The following GPR107 variants were observed in gnomAD, a reference collection of about 807,000 sequenced individuals.
GPR107 encodes G protein-coupled receptor 107.
A neutral mutation model predicts 75.5 loss-of-function variants in GPR107; 31 were observed. The ratio of observed to expected loss-of-function variants is 0.41; its 90% CI spans 0.31 to 0.55. The LOEUF (loss-of-function observed/expected upper bound fraction) is 0.55. Ranked by LOEUF, GPR107 falls within the 20% of genes least tolerant of loss-of-function variation. GPR107 has a pLI of 0.26. For synonymous variants in GPR107, 267 were observed against 251.3 expected (o/e 1.06, Z -0.59); for missense variants, 572 against 665.7 (o/e 0.86, Z 1.55).
At chr9:130,080,734 G>A (rs1450798825) in intron 5 of GPR107, among the ~76,000 whole-genome samples, 4 of 150,966 alleles carry the variant, frequency 2.6e-5, no homozygotes, top group Non-Finnish European at 4.4e-5. Context: ...CTCGTGATCC[G>A]CCCGCCTCGG....
intron 10 of GPR107, 83 bp downstream of exon 10, chr9:130,099,615 GA>G: frequency 1.3e-6 from 1 of 783,608 alleles, no homozygotes; most frequent in East Asian, 2.5e-5. Flanking sequence ...GAAGAAAGGG[GA>G]TAGATTGGTG....
intron 3 of GPR107, among the ~76,000 whole-genome samples, chr9:130,076,782 G>A (rs148958632): frequency 6.6e-6 from 1 of 152,154 alleles, no homozygotes; most frequent in Non-Finnish European, 1.5e-5. Flanking sequence ...CAGAGTGCTA[G>A]GACTGCAGGC....
chr9:130,055,542 AAAG>A, intron 1 of GPR107, among the ~76,000 whole-genome samples: 1 of 151,790 alleles, frequency 6.6e-6, no homozygotes, highest in East Asian at 1.9e-4. Context: ...AAAAAAAAAA[AAAG>A]AAGTGGAACT....
rs139983647 is a variant in GPR107, at chr9:130,089,204, T to C, written c.622-1672T>C. Reference sequence around the variant, plus strand: ...AAAGTTTTTCAAATGCTTCCCTCTTTTTTAATCACAAAGGAAAGTGTTACA... The same window carrying C: ...AAAGTTTTTCAAATGCTTCCCTCTTCTTTAATCACAAAGGAAAGTGTTACA... On this transcript the variant is annotated intron_variant, in intron 7 of 17. Transcript: ENST00000347136. Among the ~76,000 whole-genome samples, 1,427 of 152,266 alleles carry C rather than the reference T, an allele frequency of 9.4e-3. 15 individuals are homozygous for C. The highest frequency in any genetic ancestry group is 0.015 in the Non-Finnish European group (994 of 68,012).
intron 13 of GPR107, among the ~76,000 whole-genome samples, chr9:130,106,273 T>C (rs1190009015): frequency 6.6e-6 from 1 of 152,040 alleles, no homozygotes; most frequent in African/African-American, 2.4e-5. Context: ...ATGAAAAAAG[T>C]CAGTAAGTAC....
intron 1 of GPR107, among the ~76,000 whole-genome samples, chr9:130,073,704 C>T (rs554769877): frequency 1.3e-4 from 20 of 152,276 alleles, no homozygotes; most frequent in African/African-American, 3.4e-4. Context: ...TTCCCTGTGA[C>T]GTTGCAGAAA....
chr9:130,088,465 T>A (rs1312044486), intron 7 of GPR107, among the ~76,000 whole-genome samples: 1 of 152,242 alleles, frequency 6.6e-6, no homozygotes, highest in Non-Finnish European at 1.5e-5. Flanking sequence ...TTAGTTATGT[T>A]TATTGCCTGT....
intron 1 of GPR107, among the ~76,000 whole-genome samples, chr9:130,074,103 C>T (rs1188241062): frequency 6.6e-6 from 1 of 152,142 alleles, no homozygotes; most frequent in Non-Finnish European, 1.5e-5. Flanking sequence ...GGGACCATAG[C>T]CTTAGGCCTG....
At chr9:130,134,697 G>T (rs375971103) in intron 17 of GPR107, among the ~76,000 whole-genome samples, 2 of 152,372 alleles carry the variant, frequency 1.3e-5, no homozygotes, top group South Asian at 2.1e-4. Flanking sequence ...TCACATATCT[G>T]TGCGCCACAA....
chr9:130,125,074 T>G, intron 15 of GPR107, 110 bp downstream of exon 15: 1 of 408,756 alleles, frequency 2.4e-6, no homozygotes, highest in Non-Finnish European at 4.3e-6. Context: ...CACCTGGAGC[T>G]GAGCAGTGTG....
rs1554900632 is a variant in GPR107 at position 130,139,803 on chromosome 9, G to T, written c.*4682G>T. On this transcript the variant is annotated 3_prime_UTR_variant, in exon 18 of 18. Transcript: ENST00000347136. ...GAAGGTCAGCCTTTGGAGCACGTAA[G>T]ATACTGTTACAGGGTCCAGAAATCG... The T allele has an allele frequency of 6.6e-6, 1 of 152,264 alleles. No individual in the cohort carries two copies. The highest frequency in any genetic ancestry group is 1.9e-4 in the East Asian group (1 of 5,196). 9.4% of individuals were successfully genotyped at this position (152,264 alleles called of 1,614,324 possible).
At chr9:130,124,988 T>A in intron 15 of GPR107, 24 bp downstream of exon 15, 1 of 1,093,264 alleles carries the variant, frequency 9.1e-7, no homozygotes, top group Admixed American at 2.4e-5. Context: ...AAAAAAATCC[T>A]CAATCTATAA....
intron 14 of GPR107, among the ~76,000 whole-genome samples, chr9:130,111,971 G>A (rs541153117): frequency 4.6e-5 from 7 of 152,126 alleles, no homozygotes; most frequent in East Asian, 3.9e-4. Context: ...CACACCTAGC[G>A]CTGGCTCCAC....
At chr9:130,075,130 G>C (rs1241498072) in intron 1 of GPR107, among the ~76,000 whole-genome samples, 1 of 151,974 alleles carries the variant, frequency 6.6e-6, no homozygotes, top group Non-Finnish European at 1.5e-5. Context: ...GTTGTCTTCA[G>C]CTTTTGGAGA....
In GPR107 at chr9:130,053,990, G is replaced by T; in HGVS notation, c.58G>T (p.Gly20Cys). ...PASRGPRLAA[G>C]LRLLPMLGLL... The stretch of plus-strand genomic sequence containing the variant: ...CTCCCGCGGTCCTAGGCTGGCCGCG[G>T]GCCTCCGGCTGCTCCCAATGCTGGG... Residue 20 changes from glycine to cysteine, a missense_variant, in exon 1 of 18, where the codon GGC (glycine) becomes TGC (cysteine). By Grantham distance (159) the Gly-to-Cys change is radical. Transcript: ENST00000347136. 2 of 1,553,192 alleles carry T rather than the reference G, an allele frequency of 1.3e-6. No homozygotes were observed. The highest frequency in any genetic ancestry group is 1.4e-5 in the African/African-American group (1 of 73,364).
intron 9 of GPR107, among the ~76,000 whole-genome samples, chr9:130,095,637 C>T (rs564616571): frequency 1.2e-4 from 18 of 152,312 alleles, no homozygotes; most frequent in African/African-American, 4.3e-4. Flanking sequence ...TCGTGATCCA[C>T]CTGCCTTGGC....
At chr9:130,087,965 ACT>A (rs1303908419) in intron 7 of GPR107, among the ~76,000 whole-genome samples, 2 of 152,058 alleles carry the variant, frequency 1.3e-5, no homozygotes, top group Non-Finnish European at 2.9e-5. Context: ...CCCCATAAGC[ACT>A]GTTCTGATTT....
chr9:130,128,601 G>A (rs1373587735), intron 16 of GPR107, 39 bp from the exon 17 acceptor site: 5 of 1,568,942 alleles, frequency 3.2e-6, no homozygotes, highest in Non-Finnish European at 4.4e-6. Flanking sequence ...GAACAGTGTT[G>A]CTAATCTCTT....
intron 15 of GPR107, among the ~76,000 whole-genome samples, chr9:130,126,150 A>G (rs186818092): frequency 6.6e-6 from 1 of 152,126 alleles, no homozygotes; most frequent in Non-Finnish European, 1.5e-5. Flanking sequence ...AATTTTCCTT[A>G]AGAACAGAAA....
Sources: gnomAD v4.1 joint callset for allele counts (sites outside exome capture counted in the v4.1 genomes callset) on GRCh38, gnomAD v4.1.1 for gene constraint, MANE v1.5 for transcripts, NCBI Gene and HGNC (gene_info 2026-07-23, HGNC 2026-07-21) for gene names.